Variants in PROSER1 observed in about 807,000 individuals in gnomAD.
The protein encoded by PROSER1 is proline and serine rich 1.
Under a neutral mutation model 71.8 loss-of-function variants are expected in PROSER1, and 36 were observed. The ratio of observed to expected loss-of-function variants is 0.50; its 90% confidence interval spans 0.38 to 0.66. The LOEUF (loss-of-function observed/expected upper bound fraction) is 0.66. PROSER1 is among the 30% of genes least tolerant of loss of function. PROSER1 has a pLI of 0.00. For missense variants in PROSER1, 1,107 were observed against 1,135.0 expected (o/e 0.98, Z 0.35); for synonymous variants, 490 against 452.4 (o/e 1.08, Z -1.06).
intron 9 of PROSER1, chr13:39,017,973 CCT>C (rs1402422410): frequency 1.2e-5 from 2 of 160,628 alleles, no homozygotes; most frequent in Admixed American, 6.5e-5. Context: ...ACAGACAGCT[CCT>C]CTGAGTACCA....
chr13:39,017,148 G>A (rs183124682), intron 10 of PROSER1, among the ~76,000 whole-genome samples: 205 of 152,258 alleles, frequency 1.3e-3, no homozygotes, highest in Admixed American at 3.5e-3. Context: ...TTGTCAAAAA[G>A]GATTTTTATC....
chr13:39,014,148 C>T lies in PROSER1; in HGVS notation c.1104G>A (p.Leu368=), dbSNP rs768638869. 37 of 1,613,824 alleles carry T rather than the reference C, an allele frequency of 2.3e-5. No homozygotes were observed. Among genetic ancestry groups the T allele is most frequent in the Non-Finnish European group, 3.1e-5 (36 of 1,180,022 alleles). The change falls in exon 11 of 13, where the codon CTG becomes CTA. Residue 368 remains leucine (L), a synonymous_variant. Transcript: ENST00000352251. ...CGGTAGGAGTGGCAGAAGGACCTGG[C>T]AGTGACACTAGGCCAGAAAAAATGG... is the stretch of plus-strand genomic sequence containing the variant. ...VPSIFSGLVS[L]PGPSATPTAA...
At position 39,028,275 on chromosome 13, in the gene PROSER1, G is replaced by A. The variant is rs1225011020; in HGVS notation, c.321C>T (p.Phe107=). The A allele has an allele frequency of 6.3e-7, 1 of 1,598,680 alleles. No homozygotes were observed. The highest frequency in any genetic ancestry group is 1.7e-5 in the Admixed American group (1 of 59,780). ...GTTTCTTCTCAGACATATTTACCCT[G>A]AATAAATCTTCAATAGGACGAGAAT... ...AQNSRPIEDL[F]RVNMSEKKRC... Residue 107 remains phenylalanine (F), a synonymous_variant, in exon 5 of 13, where the codon TTC becomes TTT. Coordinates refer to ENST00000352251, the MANE Select transcript of PROSER1 (RefSeq NM_025138.5).
In PROSER1 at chr13:39,029,348, C is replaced by T; in HGVS notation, c.208G>A (p.Val70Met). The change falls in exon 4 of 13, where the codon GTG becomes ATG. Residue 70 changes from valine to methionine, a missense_variant. Physicochemically the swap from Val to Met is conservative, Grantham distance 21. Transcript: ENST00000352251. ...GTGAAACAGTTGAGTATATTGACCA[C>T]TTCTGTTGGCTGGACAGCCACCATT... ...HKMVAVQPTE[V>M]VNILNCFTFS... 2.0e-6 allele frequency: 3 copies of T among 1,488,608 alleles called. No individual in the cohort carries two copies. The highest frequency in any genetic ancestry group is 2.7e-6 in the Non-Finnish European group (3 of 1,119,724). 92.2% of individuals were successfully genotyped at this position (1,488,608 alleles called of 1,614,324 possible).
intron 10 of PROSER1, 64 bp from the exon 11 acceptor site, chr13:39,014,540 A>C: frequency 8.4e-7 from 1 of 1,193,546 alleles, no homozygotes. Context: ...ATTTTGAATT[A>C]AAAAGCATAA....
intron 5 of PROSER1, among the ~76,000 whole-genome samples, chr13:39,027,221 A>G (rs999420444): frequency 7.9e-5 from 12 of 152,138 alleles, no homozygotes; most frequent in African/African-American, 2.4e-4. Context: ...CCCAACCCTG[A>G]AATCATCTGA....
At chr13:39,035,655 T>C (rs1349028636) in intron 1 of PROSER1, among the ~76,000 whole-genome samples, 1 of 152,238 alleles carries the variant, frequency 6.6e-6, no homozygotes, top group Non-Finnish European at 1.5e-5. Context: ...GTTCTTCTGC[T>C]AGTGGCTTCT....
intron 3 of PROSER1, among the ~76,000 whole-genome samples, chr13:39,030,888 AG>A (rs1228913513): frequency 6.6e-6 from 1 of 152,122 alleles, no homozygotes; most frequent in African/African-American, 2.4e-5. Flanking sequence ...ATTAAAGAGG[AG>A]GTCAGAAAGC....
In PROSER1 at chr13:39,014,400, A is replaced by G; in HGVS notation, c.852T>C (p.Pro284=). The change falls in exon 11 of 13, where the codon CCT becomes CCC. Residue 284 remains proline, a synonymous_variant. Coordinates refer to ENST00000352251, the MANE Select transcript of PROSER1 (RefSeq NM_025138.5). ...TAATTGCCTTGACTGGGGATGCAGT[A>G]GGAACAGGAGTTGCAGCAGGTGTTG... ...NPSTPAATPV[P]TASPVKAINH... is the part of the protein sequence containing the mutation. 6.2e-7 allele frequency: 1 copy of G among 1,614,160 alleles called. No individual in the cohort carries two copies. Among genetic ancestry groups the G allele is most frequent in the Non-Finnish European group, 8.5e-7 (1 of 1,180,028 alleles).
intron 9 of PROSER1, among the ~76,000 whole-genome samples, chr13:39,019,516 CA>C (rs1183602451): frequency 0.015 from 608 of 40,812 alleles, 2 homozygotes; most frequent in African/African-American, 0.032. Context: ...AACTCTGTCT[CA>C]AAAAAAAAAA....
In PROSER1 at chr13:39,011,354, G is replaced by A. The variant is rs745343942; in HGVS notation, c.*11C>T. 1.9e-6 allele frequency: 3 copies of A among 1,613,268 alleles called. No individual in the cohort carries two copies. The highest frequency in any genetic ancestry group is 2.5e-6 in the Non-Finnish European group (3 of 1,179,638). ...GATGTTGCTCTGAAGGAGAATAAAA[G>A]TTAAAAGTATTCACTGCCACCCACT... On this transcript the variant is annotated 3_prime_UTR_variant, in exon 13 of 13. Coordinates refer to ENST00000352251, the MANE Select transcript of PROSER1 (RefSeq NM_025138.5).
intron 5 of PROSER1, among the ~76,000 whole-genome samples, chr13:39,027,063 G>A (rs1427846312): frequency 6.6e-6 from 1 of 151,212 alleles, no homozygotes. Flanking sequence ...TCTATATTAT[G>A]TTATAGAAAT....
At position 39,013,343 on chromosome 13, in the gene PROSER1, C is replaced by T; in HGVS notation, c.1909G>A (p.Gly637Arg). ...GAAGTATATGCACGGCCCAATGTCCCTGACAAACCTAAAGTGCCATGAGAG... is the reference window on the plus strand; with the variant it reads ...GAAGTATATGCACGGCCCAATGTCCTTGACAAACCTAAAGTGCCATGAGAG... Reference protein sequence around the residue: ...NPSHGTLGLSGTLGRAYTSTS... With the variant: ...NPSHGTLGLSRTLGRAYTSTS... Residue 637 changes from glycine (G) to arginine (R), a missense_variant, in exon 11 of 13, where the codon GGG becomes AGG. Coordinates refer to ENST00000352251, the MANE Select transcript of PROSER1 (RefSeq NM_025138.5). 1 of 1,614,180 alleles carries T rather than the reference C, an allele frequency of 6.2e-7. No homozygotes were observed. Among genetic ancestry groups the T allele is most frequent in the Non-Finnish European group, 8.5e-7 (1 of 1,180,038 alleles).
chr13:39,036,642 A>G (rs1871121531), intron 1 of PROSER1, among the ~76,000 whole-genome samples: 1 of 152,238 alleles, frequency 6.6e-6, no homozygotes, highest in African/African-American at 2.4e-5. Flanking sequence ...AAACTTGGAA[A>G]GCAGGAGAAA....
rs1374998877 is a variant in PROSER1, at chr13:39,031,628, C to A, written c.115G>T (p.Val39Phe). Residue 39 changes from valine to phenylalanine, a missense_variant, in exon 3 of 13, where the codon GTT becomes TTT. By Grantham distance (50) the Val-to-Phe change is conservative. Coordinates refer to ENST00000352251, the MANE Select transcript of PROSER1 (RefSeq NM_025138.5). ...VHGYFSSEQV[V>F]DLLRYFSWAE... is the part of the protein sequence containing the mutation. Reference sequence around the variant, plus strand: ...CAGGAAAAATATCTCAGCAAATCAACCACCTGAAAACAAAGAACTAACAGC... The same window carrying A: ...CAGGAAAAATATCTCAGCAAATCAAACACCTGAAAACAAAGAACTAACAGC... 1 of 1,612,836 alleles carries A rather than the reference C, an allele frequency of 6.2e-7. No homozygotes were observed. The highest frequency in any genetic ancestry group is 8.5e-7 in the Non-Finnish European group (1 of 1,179,438).
At chr13:39,024,670 A>C in intron 6 of PROSER1, 114 bp from the exon 7 acceptor site, 1 of 735,724 alleles carries the variant, frequency 1.4e-6, no homozygotes, top group Non-Finnish European at 2.2e-6. Flanking sequence ...TAAGAGTGTA[A>C]AGACTTGCAT....
intron 9 of PROSER1, 71 bp from the exon 10 acceptor site, chr13:39,017,615 T>C: frequency 2.4e-6 from 2 of 827,006 alleles, no homozygotes; most frequent in Non-Finnish European, 3.8e-6. Context: ...AACAGATATT[T>C]GGATAAAAAG....
chr13:39,034,080 A>T, intron 2 of PROSER1, 51 bp downstream of exon 2: 1 of 1,327,120 alleles, frequency 7.5e-7, no homozygotes, highest in Non-Finnish European at 1.0e-6. Flanking sequence ...GACATTAACC[A>T]GAACATTGGT....
intron 3 of PROSER1, among the ~76,000 whole-genome samples, chr13:39,030,261 A>T (rs1221242688): frequency 2.0e-5 from 3 of 152,222 alleles, no homozygotes; most frequent in Non-Finnish European, 4.4e-5. Context: ...GAACTTTGAA[A>T]CTACTAATTT....
Sources: allele counts gnomAD v4.1 joint callset (sites outside exome capture counted in the v4.1 genomes callset), GRCh38; gene constraint gnomAD v4.1.1; transcripts MANE v1.5; gene names NCBI Gene and HGNC (gene_info 2026-07-23, HGNC 2026-07-21).